Variants in EDIL3 observed in about 807,000 individuals in gnomAD.
EDIL3 encodes the protein EGF like and discoidin domains 3.
In EDIL3, 37 loss-of-function variants were observed where a neutral mutation model predicts 67.4. The ratio of observed to expected loss-of-function variants is 0.55; its 90% confidence interval spans 0.42 to 0.72. The LOEUF (loss-of-function observed/expected upper bound fraction) is 0.72, where lower values mean the gene tolerates loss of function less well. EDIL3 is among the 30% of genes least tolerant of loss of function. The pLI is 0.00. For missense variants in EDIL3, 527 were observed against 586.3 expected (o/e 0.90, Z 1.04); for synonymous variants, 195 against 196.3 (o/e 0.99, Z 0.05).
intron 6 of EDIL3, among the ~76,000 whole-genome samples, chr5:84,069,570 T>C (rs1339657909): frequency 6.6e-6 from 1 of 152,118 alleles, no homozygotes; most frequent in African/African-American, 2.4e-5. Context: ...TTTTTTTACA[T>C]GAAAAAGAGC....
chr5:84,042,805 T>C (rs955024630), intron 9 of EDIL3, among the ~76,000 whole-genome samples: 1 of 152,216 alleles, frequency 6.6e-6, no homozygotes, highest in Non-Finnish European at 1.5e-5. Context: ...TTCCTATTAC[T>C]CAACACGTGG....
intron 9 of EDIL3, among the ~76,000 whole-genome samples, chr5:84,003,938 C>T (rs562596580): frequency 3.4e-5 from 5 of 148,964 alleles, no homozygotes; most frequent in Non-Finnish European, 5.9e-5. Flanking sequence ...ATCTCACATG[C>T]AATGAGAGAT....
intron 5 of EDIL3, among the ~76,000 whole-genome samples, chr5:84,126,037 G>T (rs1035657149): frequency 5.3e-5 from 8 of 151,918 alleles, no homozygotes; most frequent in African/African-American, 1.9e-4. Flanking sequence ...TCTCTCTACA[G>T]GTTACAAAGT....
At chr5:84,064,477 A>C (rs1489467206) in intron 8 of EDIL3, among the ~76,000 whole-genome samples, 9 of 152,130 alleles carry the variant, frequency 5.9e-5, no homozygotes, top group Non-Finnish European at 8.8e-5. Context: ...ACTCAACAAA[A>C]CACATTACTC....
At chr5:84,060,267 A>T (rs767749079) in intron 9 of EDIL3, 33 bp downstream of exon 9, 1 of 1,606,678 alleles carries the variant, frequency 6.2e-7, no homozygotes, top group Non-Finnish European at 8.5e-7. Flanking sequence ...AAAGAGGAAC[A>T]GTGGGTAGTG....
intron 1 of EDIL3, among the ~76,000 whole-genome samples, chr5:84,381,916 C>T (rs1179219113): frequency 2.6e-5 from 4 of 152,132 alleles, no homozygotes; most frequent in African/African-American, 9.7e-5. Flanking sequence ...AAGTAAATTG[C>T]AACCCATACG....
chr5:84,059,709 C>T (rs138015288), intron 9 of EDIL3, among the ~76,000 whole-genome samples: 346 of 152,252 alleles, frequency 2.3e-3, no homozygotes, highest in Non-Finnish European at 3.8e-3. Flanking sequence ...CATATTTAAA[C>T]GTGCTCCACA....
intron 3 of EDIL3, among the ~76,000 whole-genome samples, chr5:84,215,729 G>A (rs1232774225): frequency 6.6e-6 from 1 of 152,174 alleles, no homozygotes; most frequent in African/African-American, 2.4e-5. Context: ...TGCAAGGGAA[G>A]TCCTTCAGGC....
intron 1 of EDIL3, among the ~76,000 whole-genome samples, chr5:84,376,871 G>T (rs867360459): frequency 2.2e-4 from 33 of 152,278 alleles, no homozygotes; most frequent in Non-Finnish European, 3.4e-4. Context: ...AAACATTAAA[G>T]CACTGCGAAT....
intron 1 of EDIL3, among the ~76,000 whole-genome samples, chr5:84,357,887 CAAAA>C (rs140686250): frequency 3.8e-5 from 3 of 79,272 alleles, no homozygotes; most frequent in Non-Finnish European, 4.8e-5. Flanking sequence ...GACTCAGTCT[CAAAA>C]AAAAAAAAAA....
chr5:84,275,028 C>T (rs1745549936), intron 1 of EDIL3, among the ~76,000 whole-genome samples: 1 of 152,098 alleles, frequency 6.6e-6, no homozygotes, highest in Non-Finnish European at 1.5e-5. Context: ...ATTCTTTGCT[C>T]TTTAAATGTT....
chr5:84,008,332 A>G (rs1261471873), intron 9 of EDIL3, among the ~76,000 whole-genome samples: 1 of 152,188 alleles, frequency 6.6e-6, no homozygotes, highest in Non-Finnish European at 1.5e-5. Flanking sequence ...GCTTGAGGTG[A>G]AGGATACCCC....
At chr5:84,196,636 T>C (rs1561217058) in intron 3 of EDIL3, among the ~76,000 whole-genome samples, 1 of 152,042 alleles carries the variant, frequency 6.6e-6, no homozygotes, top group Non-Finnish European at 1.5e-5. Context: ...AAGTGCCTGG[T>C]AATGATGCAT....
At chr5:84,308,018 T>C (rs1264752072) in intron 1 of EDIL3, among the ~76,000 whole-genome samples, 2 of 152,150 alleles carry the variant, frequency 1.3e-5, no homozygotes, top group Non-Finnish European at 1.5e-5. Context: ...TGGGTCTATA[T>C]TTTAGAGATA....
chr5:83,957,348 G>T (rs1744532462), intron 10 of EDIL3, among the ~76,000 whole-genome samples: 1 of 151,558 alleles, frequency 6.6e-6, no homozygotes, highest in African/African-American at 2.4e-5. Context: ...GATTCTTCAG[G>T]TTCTAAGTTT....
At chr5:84,300,179 C>T (rs974488294) in intron 1 of EDIL3, among the ~76,000 whole-genome samples, 1 of 152,200 alleles carries the variant, frequency 6.6e-6, no homozygotes, top group African/African-American at 2.4e-5. Flanking sequence ...ATTGCCTTTC[C>T]ATCTTCTAGA....
intron 1 of EDIL3, among the ~76,000 whole-genome samples, chr5:84,365,696 C>A (rs1747714699): frequency 6.6e-6 from 1 of 152,126 alleles, no homozygotes; most frequent in South Asian, 2.1e-4. Context: ...CTTTGCCAAT[C>A]AGTGAATTTT....
chr5:84,375,046 A>G (rs570587237), intron 1 of EDIL3, among the ~76,000 whole-genome samples: 1 of 149,874 alleles, frequency 6.7e-6, no homozygotes, highest in South Asian at 2.1e-4. Flanking sequence ...ATCTCGGCTC[A>G]CTGCAACTTC....
At chr5:84,350,535 AT>A (rs1747333137) in intron 1 of EDIL3, among the ~76,000 whole-genome samples, 1 of 152,096 alleles carries the variant, frequency 6.6e-6, no homozygotes, top group Non-Finnish European at 1.5e-5. Flanking sequence ...CCATAGGCCA[AT>A]CATTTATTTG....
Sources: gnomAD v4.1 joint callset for allele counts (sites outside exome capture counted in the v4.1 genomes callset) on GRCh38, gnomAD v4.1.1 for gene constraint, MANE v1.5 for transcripts, NCBI Gene and HGNC (gene_info 2026-07-23, HGNC 2026-07-21) for gene names.